The following ZSWIM5 variants were observed in gnomAD, a reference collection of about 807,000 sequenced individuals.
ZSWIM5 encodes zinc finger SWIM domain-containing protein 5.
A neutral mutation model predicts 119.6 loss-of-function variants in ZSWIM5; 55 were observed. The observed-to-expected ratio is 0.46, with a 90% CI of 0.37 to 0.58. ZSWIM5 has a LOEUF of 0.58. Among genes scored for constraint, ZSWIM5 ranks in the 20% least tolerant of loss-of-function variants. ZSWIM5 has a pLI of 0.00. For synonymous variants in ZSWIM5, 537 were observed against 606.9 expected (o/e 0.88, Z 1.69); for missense variants, 1,193 against 1,512.8 (o/e 0.79, Z 3.51).
chr1:45,160,575 A>G (rs1018561983), intron 1 of ZSWIM5, among the ~76,000 whole-genome samples: 8 of 151,814 alleles, frequency 5.3e-5, no homozygotes, highest in Non-Finnish European at 1.2e-4. Flanking sequence ...GATGACCTCC[A>G]GCTGCACCCA....
At chr1:45,070,381 G>A (rs1028779258) in intron 2 of ZSWIM5, 1 of 1,427,096 alleles carries the variant, frequency 7.0e-7, no homozygotes, top group Admixed American at 1.7e-5. Context: ...TTCAGCTTCA[G>A]GTTAGGACAT....
At position 45,018,516 on chromosome 1, in the gene ZSWIM5, G is replaced by A. The variant is rs1291033933; in HGVS notation, c.3496C>T (p.Leu1166Phe). Residue 1166 changes from leucine (L) to phenylalanine (F), a missense_variant, in exon 14 of 14, where the codon CTC (leucine) becomes TTC (phenylalanine). By Grantham distance (22) the Leu-to-Phe change is conservative. Coordinates refer to ENST00000359600, the MANE Select transcript of ZSWIM5 (RefSeq NM_020883.2). The surrounding 1 kb of genome is among the most constrained non-coding windows in gnomAD (Gnocchi z 6.7). The part of the protein sequence containing the change: ...HLQFAQFIDN[L>F]KQIYKGKKKL... ...TTCTTGCCTTTGTAGATCTGTTTGAGGTTGTCGATGAACTGGGCAAACTGC... is the reference window on the plus strand; with the variant it reads ...TTCTTGCCTTTGTAGATCTGTTTGAAGTTGTCGATGAACTGGGCAAACTGC... 4.3e-6 allele frequency: 7 copies of A among 1,614,082 alleles called. No individual in the cohort carries two copies. The highest frequency in any genetic ancestry group is 5.9e-6 in the Non-Finnish European group (7 of 1,180,004).
intron 4 of ZSWIM5, among the ~76,000 whole-genome samples, chr1:45,053,514 T>A (rs1814166): frequency 2.6e-5 from 4 of 152,076 alleles, no homozygotes; most frequent in African/African-American, 7.3e-5. Context: ...GTAATCCCAG[T>A]GCTTTGGGAG....
In ZSWIM5 at chr1:45,156,124, TA is replaced by T. The variant is rs59514138; in HGVS notation, c.595+49631del. On this transcript the variant is annotated intron_variant, in intron 1 of 13. Coordinates refer to ENST00000359600, the MANE Select transcript of ZSWIM5 (RefSeq NM_020883.2). ...TACACCATGGAATACTACACAGCCATAAAAAAAGAATGAAATCATGGATGCA... is the reference window on the plus strand; with the variant it reads ...TACACCATGGAATACTACACAGCCATAAAAAAGAATGAAATCATGGATGCA... Among the ~76,000 whole-genome samples the T allele has an allele frequency of 1.5e-4, 22 of 151,658 alleles. No individual in the cohort carries two copies. The East Asian group carries it at 4.1e-3, about 28-fold the overall frequency.
chr1:45,108,302 GA>G (rs1200330233), intron 1 of ZSWIM5, among the ~76,000 whole-genome samples: 3 of 152,312 alleles, frequency 2.0e-5, no homozygotes, highest in Admixed American at 1.3e-4. Flanking sequence ...ACTGATTTTA[GA>G]AATTATTCTG....
At chr1:45,119,424 A>G (rs1431162544) in intron 1 of ZSWIM5, among the ~76,000 whole-genome samples, 1 of 152,166 alleles carries the variant, frequency 6.6e-6, no homozygotes, top group Non-Finnish European at 1.5e-5. Flanking sequence ...CAGACACTGC[A>G]CTTTACTCTT....
intron 1 of ZSWIM5, among the ~76,000 whole-genome samples, chr1:45,121,693 G>A (rs940498758): frequency 2.7e-5 from 4 of 147,812 alleles, no homozygotes; most frequent in Non-Finnish European, 4.4e-5. Context: ...CTGAATTTCT[G>A]GGCTCACTTC....
rs959013602 is a variant in ZSWIM5 at position 45,180,775 on chromosome 1, C to G, written c.595+24981G>C. Among the ~76,000 whole-genome samples, 18 of 152,192 alleles carry G rather than the reference C, an allele frequency of 1.2e-4. No individual in the cohort carries two copies. The South Asian group carries it at 1.7e-3, about 14-fold the overall frequency. ...ATCAGACAGCAGCATTCACGGATCA[C>G]GAAAATCTGCGGTTCTGCAGACACC... On this transcript the variant is annotated intron_variant, in intron 1 of 13. Coordinates refer to ENST00000359600, the MANE Select transcript of ZSWIM5 (RefSeq NM_020883.2).
At chr1:45,166,117 C>G (rs538100604) in intron 1 of ZSWIM5, among the ~76,000 whole-genome samples, 1 of 152,116 alleles carries the variant, frequency 6.6e-6, no homozygotes, top group African/African-American at 2.4e-5. Context: ...AGCTTATCCG[C>G]CATGATCAAG....
Position 45,166,093 on chromosome 1 carries a change from G to C in ZSWIM5, c.595+39663C>G, listed in dbSNP as rs575796102. ...ATAAAATACTGGCAAACTGAATCCAGCAGCACATCAAAAAGCTTATCCGCC... is the reference window on the plus strand; with the variant it reads ...ATAAAATACTGGCAAACTGAATCCACCAGCACATCAAAAAGCTTATCCGCC... On this transcript the variant is annotated intron_variant, in intron 1 of 13. Coordinates refer to ENST00000359600, the MANE Select transcript of ZSWIM5 (RefSeq NM_020883.2). 6.6e-5 allele frequency among the ~76,000 whole-genome samples: 10 copies of C among 152,248 alleles called. No homozygotes were observed. In the South Asian group the frequency reaches 2.1e-3, roughly 32 times the overall value.
chr1:45,067,156 G>A (rs1014570434), intron 2 of ZSWIM5, among the ~76,000 whole-genome samples: 2 of 152,136 alleles, frequency 1.3e-5, no homozygotes, highest in Non-Finnish European at 2.9e-5. Context: ...ACATGTGTGA[G>A]GTTGGGCACA....
At chr1:45,036,949 C>T (rs1045836406) in intron 8 of ZSWIM5, among the ~76,000 whole-genome samples, 7 of 151,862 alleles carry the variant, frequency 4.6e-5, no homozygotes, top group African/African-American at 1.2e-4. Context: ...CAGGCACATG[C>T]CACCATGCCC....
chr1:45,153,787 TAA>T (rs75265505), intron 1 of ZSWIM5, among the ~76,000 whole-genome samples: 22,037 of 151,898 alleles, frequency 0.15, 1,654 homozygotes, highest in Non-Finnish European at 0.16. Context: ...TCTAAATTGG[TAA>T]AGAGGAAGTC....
At chr1:45,132,011 T>G (rs1275516701) in intron 1 of ZSWIM5, among the ~76,000 whole-genome samples, 1 of 150,048 alleles carries the variant, frequency 6.7e-6, no homozygotes, top group Non-Finnish European at 1.5e-5. Context: ...TACTAAGGAG[T>G]TGATCAGGTA....
At chr1:45,049,602 T>A (rs969314142) in intron 5 of ZSWIM5, among the ~76,000 whole-genome samples, 3 of 152,078 alleles carry the variant, frequency 2.0e-5, no homozygotes, top group Non-Finnish European at 4.4e-5. Flanking sequence ...GCAGATCACT[T>A]GAGGAGTTTG....
rs2148985560 is a variant in ZSWIM5 at position 45,018,976 on chromosome 1, G to A, written c.3036C>T (p.Tyr1012=). Residue 1012 remains tyrosine (Y), a synonymous_variant, in exon 14 of 14, where the codon TAC becomes TAT. Transcript: ENST00000359600. The surrounding 1 kb of genome is among the most constrained non-coding windows in gnomAD (Gnocchi z 6.7). ...TIARYMELRG[Y]PLRAFKLASL... ...AGGCCAGCTTGAAGGCACGTAGCGG[G>A]TAGCCACGGAGCTCCATGTAGCGGG... is the stretch of plus-strand genomic sequence containing the variant. 6.2e-7 allele frequency: 1 copy of A among 1,614,252 alleles called. No homozygotes were observed. Among genetic ancestry groups the A allele is most frequent in the Admixed American group, 1.7e-5 (1 of 60,034 alleles).
chr1:45,017,562 A>G lies in ZSWIM5; in HGVS notation c.*892T>C, dbSNP rs1159061548. 6.6e-6 allele frequency: 1 copy of G among 152,258 alleles called. No homozygotes were observed. Among genetic ancestry groups the G allele is most frequent in the Non-Finnish European group, 1.5e-5 (1 of 68,060 alleles). The allele number at this position is 152,258 out of a possible 1,614,324, so 9.4% of individuals were successfully genotyped here. A position where few individuals can be genotyped will look rare whatever the true frequency, so the allele number is the denominator to read the frequency against. ...CAGATGTATCTATGTACATACACAC[A>G]TGTACTTAGCCATAAAGATACACAC... On this transcript the variant is annotated 3_prime_UTR_variant, in exon 14 of 14. Transcript: ENST00000359600.
At chr1:45,112,429 T>C (rs758596538) in intron 1 of ZSWIM5, among the ~76,000 whole-genome samples, 1 of 152,210 alleles carries the variant, frequency 6.6e-6, no homozygotes, top group East Asian at 1.9e-4. Flanking sequence ...TTTATTTCAT[T>C]GTAGTGAGAA....
intron 1 of ZSWIM5, among the ~76,000 whole-genome samples, chr1:45,184,476 T>A (rs1277835683): frequency 6.6e-6 from 1 of 152,130 alleles, no homozygotes; most frequent in Non-Finnish European, 1.5e-5. Context: ...TTTGCAGATG[T>A]CATGATTGTA....
Sources: allele counts gnomAD v4.1 joint callset (sites outside exome capture counted in the v4.1 genomes callset), GRCh38; gene constraint gnomAD v4.1.1; non-coding constraint Gnocchi (gnomAD v3.1); transcripts MANE v1.5; gene names NCBI Gene and HGNC (gene_info 2026-07-23, HGNC 2026-07-21).